ZNF475: variants seen among roughly 807,000 people sequenced by gnomAD.
The protein encoded by ZNF475 is zinc finger protein 475.
chr5:122,174,728 A>G, the ZNF475 span, among the ~76,000 whole-genome samples: 1 of 152,194 alleles, frequency 6.6e-6, no homozygotes, highest in African/African-American at 2.4e-5. Context: ...TTTATGACCC[A>G]TGCTATTTAT....
At chr5:122,175,431 A>G in the ZNF475 span, among the ~76,000 whole-genome samples, 1 of 152,200 alleles carries the variant, frequency 6.6e-6, no homozygotes, top group Non-Finnish European at 1.5e-5. Context: ...TAAAGAGCAT[A>G]TTGAAAAAAA....
At chr5:122,170,704 A>G in the ZNF475 span, among the ~76,000 whole-genome samples, 1 of 152,204 alleles carries the variant, frequency 6.6e-6, no homozygotes, top group African/African-American at 2.4e-5. Context: ...GATTATCTCA[A>G]TCCCCAGCCC....
At chr5:122,165,056 T>C in the ZNF475 span, among the ~76,000 whole-genome samples, 2 of 152,248 alleles carry the variant, frequency 1.3e-5, no homozygotes, top group Non-Finnish European at 2.9e-5. Context: ...CTCAGTTCTG[T>C]ACCCAGCACA....
the ZNF475 span, among the ~76,000 whole-genome samples, chr5:122,163,935 A>G: frequency 1.3e-5 from 2 of 151,420 alleles, no homozygotes; most frequent in African/African-American, 4.8e-5. Flanking sequence ...CTTCAATGTG[A>G]CAATCTCTGT....
At chr5:122,163,598 TA>T in the ZNF475 span, among the ~76,000 whole-genome samples, 2 of 152,196 alleles carry the variant, frequency 1.3e-5, no homozygotes, top group South Asian at 4.1e-4. Flanking sequence ...CCCAAATTTT[TA>T]GTTTAATTTT....
At chr5:122,175,033 G>A in the ZNF475 span, among the ~76,000 whole-genome samples, 2 of 152,088 alleles carry the variant, frequency 1.3e-5, no homozygotes, top group East Asian at 1.9e-4. Context: ...AGAAAAAGAA[G>A]GATAAATAAC....
At chr5:122,169,369 T>G in the ZNF475 span, among the ~76,000 whole-genome samples, 1 of 152,164 alleles carries the variant, frequency 6.6e-6, no homozygotes, top group Non-Finnish European at 1.5e-5. Flanking sequence ...TGTAAATTAA[T>G]AGTTTATATG....
chr5:122,175,618 C>T, the ZNF475 span, among the ~76,000 whole-genome samples: 1 of 152,214 alleles, frequency 6.6e-6, no homozygotes, highest in Non-Finnish European at 1.5e-5. Context: ...CACTTTATCT[C>T]ATACTTAGAA....
At chr5:122,179,644 T>C in the ZNF475 span, 2 of 1,533,072 alleles carry the variant, frequency 1.3e-6, no homozygotes, top group South Asian at 2.4e-5. Context: ...CCACAATGTC[T>C]GAAAAAATGG....
chr5:122,168,883 A>T, the ZNF475 span, among the ~76,000 whole-genome samples: 1 of 152,174 alleles, frequency 6.6e-6, no homozygotes, highest in Non-Finnish European at 1.5e-5. Flanking sequence ...GCTCTCTTAT[A>T]GAAAGCCCTT....
the ZNF475 span, chr5:122,179,763 AG>A: frequency 7.1e-7 from 1 of 1,412,104 alleles, no homozygotes; most frequent in South Asian, 1.5e-5. Flanking sequence ...TGAGTGCATA[AG>A]GGGAGACTTT....
the ZNF475 span, among the ~76,000 whole-genome samples, chr5:122,170,983 A>G: frequency 0.31 from 47,137 of 152,036 alleles, 11,107 homozygotes; most frequent in African/African-American, 0.65. Context: ...GGTTTTGAGA[A>G]CTCTGTGTCA....
At chr5:122,180,285 A>G in the ZNF475 span, among the ~76,000 whole-genome samples, 1 of 152,236 alleles carries the variant, frequency 6.6e-6, no homozygotes, top group Non-Finnish European at 1.5e-5. Context: ...GCTCTATAGG[A>G]GACAAGCAGC....
the ZNF475 span, chr5:122,179,542 A>C: frequency 6.9e-7 from 1 of 1,450,502 alleles, no homozygotes; most frequent in Middle Eastern, 2.2e-4. Context: ...ATTTTATGTT[A>C]CTTGCAGCCA....
the ZNF475 span, chr5:122,179,848 G>A: frequency 7.1e-6 from 5 of 705,994 alleles, no homozygotes; most frequent in African/African-American, 7.2e-5. Flanking sequence ...AACATTTCTT[G>A]CCTTGGTTAC....
chr5:122,175,584 C>G, the ZNF475 span, among the ~76,000 whole-genome samples: 1 of 152,206 alleles, frequency 6.6e-6, no homozygotes, highest in Non-Finnish European at 1.5e-5. Context: ...TCCCAGAATT[C>G]AAATCTCTTC....
chr5:122,165,278 A>G, the ZNF475 span, among the ~76,000 whole-genome samples: 2 of 152,284 alleles, frequency 1.3e-5, no homozygotes, highest in African/African-American at 4.8e-5. Context: ...CTAGAATCCT[A>G]TTGTTTTATT....
At chr5:122,163,509 G>T in the ZNF475 span, among the ~76,000 whole-genome samples, 1 of 152,198 alleles carries the variant, frequency 6.6e-6, no homozygotes, top group Non-Finnish European at 1.5e-5. Flanking sequence ...TATGCCCTGT[G>T]CACTTACCAC....
the ZNF475 span, chr5:122,182,634 G>A: frequency 2.5e-5 from 38 of 1,533,954 alleles, no homozygotes; most frequent in Middle Eastern, 1.7e-4. Flanking sequence ...ACCCAAAGCC[G>A]CCAAGTAAAG....
Sources: allele counts gnomAD v4.1 joint callset (sites outside exome capture counted in the v4.1 genomes callset), GRCh38; gene constraint gnomAD v4.1.1; transcripts MANE v1.5; gene names NCBI Gene and HGNC (gene_info 2026-07-23, HGNC 2026-07-21).